The following CASZ1 variants were observed in gnomAD, a reference collection of about 807,000 sequenced individuals.
The protein encoded by CASZ1 is zinc finger protein castor homolog 1.
Under a neutral mutation model 135.2 loss-of-function variants are expected in CASZ1, and 28 were observed. The observed-to-expected ratio is 0.21, with a 90% CI of 0.15 to 0.28. The LOEUF is 0.28. Ranked by LOEUF, CASZ1 falls within the 10% of genes least tolerant of loss-of-function variation. The pLI, the probability that CASZ1 is intolerant of heterozygous loss-of-function variation, is 1.00. For synonymous variants in CASZ1, 1,068 were observed against 1,073.4 expected, an observed-to-expected ratio of 0.99 and a Z score of 0.10; for missense variants, 2,161 against 2,453.3, an observed-to-expected ratio of 0.88 and a Z score of 2.52.
rs930265043 is a variant in CASZ1, at chr1:10,725,846, G to T, written c.-76-20302C>A. On this transcript the variant is annotated intron_variant, in intron 2 of 20. Transcript: ENST00000377022. This position sits in a 1 kb window ranked among gnomAD's most constrained non-coding sequence, Gnocchi z 4.4. ...GGGGCCTGAAGACAGCAGGGCAGGTGTAAGAGAGTCATTGAGGGGGCCAGA... is the reference window on the plus strand; with the variant it reads ...GGGGCCTGAAGACAGCAGGGCAGGTTTAAGAGAGTCATTGAGGGGGCCAGA... Among the ~76,000 whole-genome samples the T allele has an allele frequency of 6.6e-6, 1 of 152,134 alleles. No individual in the cohort carries two copies. Among genetic ancestry groups the T allele is most frequent in the Non-Finnish European group, 1.5e-5 (1 of 68,020 alleles).
intron 2 of CASZ1, among the ~76,000 whole-genome samples, chr1:10,728,118 C>T (rs1027708002): frequency 6.6e-5 from 10 of 152,246 alleles, no homozygotes; most frequent in African/African-American, 2.4e-4. Context: ...CCCCTTGGCA[C>T]CATGCCTGCC....
intron 2 of CASZ1, among the ~76,000 whole-genome samples, chr1:10,752,182 G>C (rs1356539188): frequency 6.6e-6 from 1 of 152,222 alleles, no homozygotes; most frequent in Non-Finnish European, 1.5e-5. Flanking sequence ...GGAACACAGA[G>C]GTGGCCCTGC....
chr1:10,639,733 C>A lies in CASZ1; in HGVS notation c.4489G>T (p.Ala1497Ser), dbSNP rs1642135149. 1.3e-6 allele frequency: 2 copies of A among 1,592,906 alleles called. No individual in the cohort carries two copies. Among genetic ancestry groups the A allele is most frequent in the Middle Eastern group, 1.8e-4 (1 of 5,702 alleles). Residue 1497 changes from alanine to serine, a missense_variant, in exon 21 of 21, where the codon GCC becomes TCC. Transcript: ENST00000377022. This position sits in a 1 kb window ranked among gnomAD's most constrained non-coding sequence, Gnocchi z 4.0. Reference protein sequence around the residue: ...LVLDDFKRFKASLSCHFADCP... With the variant: ...LVLDDFKRFKSSLSCHFADCP... ...TCGGCGAAGTGGCAGCTGAGTGAGG[C>A]CTTGAAGCGCTTGAAGTCGTCCAGC...
chr1:10,766,281 C>G (rs758927910), intron 1 of CASZ1, among the ~76,000 whole-genome samples: 30 of 152,220 alleles, frequency 2.0e-4, no homozygotes, highest in Non-Finnish European at 3.5e-4. Flanking sequence ...GTTAAGCACA[C>G]AAACTCTGGA....
At position 10,719,386 on chromosome 1, in the gene CASZ1, C is replaced by G. The variant is rs1209685388; in HGVS notation, c.-76-13842G>C. 6.6e-6 allele frequency among the ~76,000 whole-genome samples: 1 copy of G among 152,218 alleles called. No individual in the cohort carries two copies. Among genetic ancestry groups the G allele is most frequent in the Non-Finnish European group, 1.5e-5 (1 of 68,040 alleles). ...TCCCTTTAGACCTGAAAAGCTGCAA[C>G]CTGCCCACGAACTGTGGAGAATGGT... On this transcript the variant is annotated intron_variant, in intron 2 of 20. Coordinates refer to ENST00000377022, the MANE Select transcript of CASZ1 (RefSeq NM_001079843.3). This position sits in a 1 kb window ranked among gnomAD's most constrained non-coding sequence, Gnocchi z 4.0.
chr1:10,650,706 A>C lies in CASZ1; in HGVS notation c.2866T>G (p.Ser956Ala). The change falls in exon 13 of 21, where the codon TCG becomes GCG. Residue 956 changes from serine to alanine, a missense_variant. Physicochemically the swap from Ser to Ala is moderately conservative, Grantham distance 99 (BLOSUM62 1). Coordinates refer to ENST00000377022, the MANE Select transcript of CASZ1 (RefSeq NM_001079843.3). ...AVPANSSLLS[S>A]LMNKMSQGNP... ...ATGGCTCTTACCTTATTCATAAGCG[A>C]GGATAAAAGAGATGAATTTGCCGGG... 6.2e-7 allele frequency: 1 copy of C among 1,613,892 alleles called. No homozygotes were observed. The highest frequency in any genetic ancestry group is 8.5e-7 in the Non-Finnish European group (1 of 1,179,758).
chr1:10,717,107 C>T lies in CASZ1; in HGVS notation c.-76-11563G>A, dbSNP rs565328974. Among the ~76,000 whole-genome samples the T allele has an allele frequency of 3.3e-5, 5 of 152,292 alleles. No individual in the cohort carries two copies. Among genetic ancestry groups the T allele is most frequent in the Middle Eastern group, 3.4e-3 (1 of 294 alleles). ...AGGAGCAGGAGGGACAGACGGCCAG[C>T]GAGGACACTGGGGAGGGCGTGTCTC... On this transcript the variant is annotated intron_variant, in intron 2 of 20. Coordinates refer to ENST00000377022, the MANE Select transcript of CASZ1 (RefSeq NM_001079843.3). This position sits in a 1 kb window ranked among gnomAD's most constrained non-coding sequence, Gnocchi z 4.6.
rs915754169 is a variant in CASZ1 at position 10,666,337 on chromosome 1, G to A, written c.17-766C>T. 2.6e-5 allele frequency among the ~76,000 whole-genome samples: 4 copies of A among 152,108 alleles called. No homozygotes were observed. Among genetic ancestry groups the A allele is most frequent in the Admixed American group, 6.5e-5 (1 of 15,274 alleles). ...CTCCAGCCCTTGCCAGCCCCCTCTTGGCCTCTCTGTCCATTTCCTGTTGCC... is the reference window on the plus strand; with the variant it reads ...CTCCAGCCCTTGCCAGCCCCCTCTTAGCCTCTCTGTCCATTTCCTGTTGCC... On this transcript the variant is annotated intron_variant, in intron 4 of 20. Coordinates refer to ENST00000377022, the MANE Select transcript of CASZ1 (RefSeq NM_001079843.3). The surrounding 1 kb of genome is among the most constrained non-coding windows in gnomAD (Gnocchi z 5.2).
intron 4 of CASZ1, among the ~76,000 whole-genome samples, chr1:10,682,138 G>A (rs1394260071): frequency 6.6e-6 from 1 of 152,190 alleles, no homozygotes. Context: ...CCACTTTCAA[G>A]TTTGTCTGAA....
intron 1 of CASZ1, among the ~76,000 whole-genome samples, chr1:10,783,827 G>A (rs1207411445): frequency 1.4e-4 from 20 of 137,984 alleles, no homozygotes; most frequent in Non-Finnish European, 2.0e-4. Flanking sequence ...AGCCTAGATC[G>A]TGCCACTGCA....
chr1:10,645,051 A>T lies in CASZ1; in HGVS notation c.3734T>A (p.Leu1245His). Residue 1245 changes from leucine to histidine, a missense_variant, in exon 18 of 21, where the codon CTC becomes CAC. Physicochemically the swap from Leu to His is moderately conservative, Grantham distance 99. This residue lies in a region of CASZ1 where 349 missense variants were observed against 460.8 expected (regional missense o/e 0.76). Transcript: ENST00000377022. ...EFRMRGHYHC[L>H]RTGCYFVTNI... Reference sequence around the variant, plus strand: ...GGTCACAAAATAGCAGCCGGTGCGGAGGCAGTGGTAGTGCCCACGCATTCG... The same window carrying T: ...GGTCACAAAATAGCAGCCGGTGCGGTGGCAGTGGTAGTGCCCACGCATTCG... The T allele has an allele frequency of 6.2e-7, 1 of 1,614,018 alleles. No homozygotes were observed. The highest frequency in any genetic ancestry group is 8.5e-7 in the Non-Finnish European group (1 of 1,179,996).
chr1:10,726,366 C>T lies in CASZ1; in HGVS notation c.-76-20822G>A, dbSNP rs1187234842. Reference sequence around the variant, plus strand: ...CAACAGCCACGCTCTGGGATGCCGCCATCCTCAGCCTACTCCGTATCTCCT... The same window carrying T: ...CAACAGCCACGCTCTGGGATGCCGCTATCCTCAGCCTACTCCGTATCTCCT... On this transcript the variant is annotated intron_variant, in intron 2 of 20. Coordinates refer to ENST00000377022, the MANE Select transcript of CASZ1 (RefSeq NM_001079843.3). This position sits in a 1 kb window ranked among gnomAD's most constrained non-coding sequence, Gnocchi z 5.7. Among the ~76,000 whole-genome samples the T allele has an allele frequency of 6.6e-6, 1 of 152,186 alleles. No individual in the cohort carries two copies. Among genetic ancestry groups the T allele is most frequent in the African/African-American group, 2.4e-5 (1 of 41,438 alleles).
At chr1:10,778,475 G>T (rs1353509846) in intron 1 of CASZ1, among the ~76,000 whole-genome samples, 2 of 151,828 alleles carry the variant, frequency 1.3e-5, no homozygotes, top group African/African-American at 4.8e-5. Context: ...ATCTCACATA[G>T]TCTCACAATC....
intron 4 of CASZ1, among the ~76,000 whole-genome samples, chr1:10,667,660 G>T (rs80323403): frequency 0.02 from 3,021 of 152,276 alleles, 105 homozygotes; most frequent in African/African-American, 0.067. Flanking sequence ...AGGGGGGAGT[G>T]GGGGAGCCTG....
At chr1:10,779,260 A>G (rs551563070) in intron 1 of CASZ1, among the ~76,000 whole-genome samples, 3 of 148,960 alleles carry the variant, frequency 2.0e-5, no homozygotes, top group Middle Eastern at 3.6e-3. Flanking sequence ...GAAAGTACAA[A>G]CTATCTCATA....
chr1:10,692,454 C>T (rs574514424), intron 4 of CASZ1, among the ~76,000 whole-genome samples: 1 of 151,520 alleles, frequency 6.6e-6, no homozygotes, highest in South Asian at 2.1e-4. Context: ...TGATGAGACA[C>T]CGACTGGAGG....
At chr1:10,675,292 G>T (rs1643531743) in intron 4 of CASZ1, among the ~76,000 whole-genome samples, 1 of 152,236 alleles carries the variant, frequency 6.6e-6, no homozygotes, top group Non-Finnish European at 1.5e-5. Flanking sequence ...GCAGCAAAAT[G>T]TGACTGTGAA....
intron 18 of CASZ1, among the ~76,000 whole-genome samples, chr1:10,644,462 T>C (rs1187822142): frequency 6.6e-6 from 1 of 152,198 alleles, no homozygotes; most frequent in Non-Finnish European, 1.5e-5. Flanking sequence ...GGCACACAGC[T>C]GTCCCTCCAT....
At chr1:10,718,142 C>T (rs1639428208) in intron 2 of CASZ1, among the ~76,000 whole-genome samples, 1 of 152,226 alleles carries the variant, frequency 6.6e-6, no homozygotes, top group Non-Finnish European at 1.5e-5. Context: ...CCAGCCCAGG[C>T]TTGTGGACAG....
Sources: gnomAD v4.1 joint callset for allele counts (sites outside exome capture counted in the v4.1 genomes callset) on GRCh38, gnomAD v4.1.1 for gene constraint, gnomAD v4.1.1 regional missense constraint, Gnocchi (gnomAD v3.1) non-coding constraint, MANE v1.5 for transcripts, NCBI Gene and HGNC (gene_info 2026-07-23, HGNC 2026-07-21) for gene names.